GTPBP2: variants seen among roughly 807,000 people sequenced by gnomAD.
The protein encoded by GTPBP2 is GTP-binding protein 2.
A neutral mutation model predicts 63.0 loss-of-function variants in GTPBP2; 32 were observed. The ratio of observed to expected loss-of-function variants is 0.51; its 90% CI spans 0.38 to 0.68. The LOEUF (loss-of-function observed/expected upper bound fraction) is 0.68, where lower values mean the gene tolerates loss of function less well. Ranked by LOEUF, GTPBP2 falls within the 30% of genes least tolerant of loss-of-function variation. The pLI, the probability that GTPBP2 is intolerant of heterozygous loss-of-function variation, is 0.00. For missense variants in GTPBP2, 492 were observed against 796.9 expected (o/e 0.62, Z 4.61); for synonymous variants, 310 against 322.6 (o/e 0.96, Z 0.42).
intron 9 of GTPBP2, chr6:43,623,075 C>T (rs1768928385): frequency 6.6e-6 from 3 of 451,550 alleles, no homozygotes; most frequent in Non-Finnish European, 1.2e-5. Context: ...CAAGTTATCC[C>T]CTTGGGTTTC....
chr6:43,630,054 T>C (rs888941285), upstream of GTPBP2, among the ~76,000 whole-genome samples: 1 of 152,080 alleles, frequency 6.6e-6, no homozygotes, highest in East Asian at 1.9e-4. Flanking sequence ...CTGAGTTTGG[T>C]TTTAAACGGC....
At chr6:43,629,800 G>A (rs1582358782), upstream of GTPBP2, 5 of 1,560,696 alleles carry the variant, frequency 3.2e-6, no homozygotes, top group Non-Finnish European at 4.3e-6. Flanking sequence ...GGGCGGAGGC[G>A]GATGGTGATT....
Position 43,627,528 on chromosome 6 carries a change from A to C in GTPBP2, c.187-580T>G, listed in dbSNP as rs191312713. On this transcript the variant is annotated intron_variant, in intron 1 of 11. Transcript: ENST00000307126. Reference sequence around the variant, plus strand: ...CCAAAGCTGGGGCTGAGAGGAACAGAAAAACTCAGAAAATGTAATGAAGCG... The same window carrying C: ...CCAAAGCTGGGGCTGAGAGGAACAGCAAAACTCAGAAAATGTAATGAAGCG... Among the ~76,000 whole-genome samples, 3 of 152,298 alleles carry C rather than the reference A, an allele frequency of 2.0e-5. No homozygotes were observed. In the East Asian group the frequency reaches 5.8e-4, roughly 29 times the overall value.
chr6:43,622,107 T>C lies in GTPBP2; in HGVS notation c.1528A>G (p.Ile510Val). 6.2e-7 allele frequency: 1 copy of C among 1,614,090 alleles called. No homozygotes were observed. The highest frequency in any genetic ancestry group is 8.5e-7 in the Non-Finnish European group (1 of 1,179,972). ...GTGGTGGCATGGAACAGTAAGACTATCTCTGCCTCAAACACCGAGCAGATG... is the reference window on the plus strand; with the variant it reads ...GTGGTGGCATGGAACAGTAAGACTACCTCTGCCTCAAACACCGAGCAGATG... Reference protein sequence around the residue: ...PTICSVFEAEIVLLFHATTFR... With the variant: ...PTICSVFEAEVVLLFHATTFR... The change falls in exon 11 of 12, where the codon ATA becomes GTA. Residue 510 changes from isoleucine (I) to valine (V), a missense_variant. Ile to Val is a conservative substitution (Grantham distance 29, BLOSUM62 3). This residue lies in a region of GTPBP2 where 400 missense variants were observed against 710.8 expected (regional missense o/e 0.56). Coordinates refer to ENST00000307126, the MANE Select transcript of GTPBP2 (RefSeq NM_019096.5). This position sits in a 1 kb window ranked among gnomAD's most constrained non-coding sequence, Gnocchi z 5.4.
chr6:43,621,997 T>C lies in GTPBP2; in HGVS notation c.1632+6A>G, dbSNP rs753661179. The C allele has an allele frequency of 7.4e-6, 12 of 1,613,858 alleles. No individual in the cohort carries two copies. The highest frequency in any genetic ancestry group is 9.3e-6 in the Non-Finnish European group (11 of 1,179,810). On this transcript the variant is annotated splice_donor_region_variant and intron_variant, in intron 11 of 11. Coordinates refer to ENST00000307126, the MANE Select transcript of GTPBP2 (RefSeq NM_019096.5). ...CTGGAGAAATGGAAGGCCAGGTCCC[T>C]CTCACCTTGGCATGGATCTTTTCCA...
chr6:43,620,553 G>GTA lies in GTPBP2; in HGVS notation c.*1059_*1060dup, dbSNP rs112927783. On this transcript the variant is annotated 3_prime_UTR_variant, in exon 12 of 12. Transcript: ENST00000307126. ...TGTGTATTTAAATATATATACATAT[G>GTA]TATATATATATATATGCACAGAGAA... 5,411 of 156,784 alleles carry GTA rather than the reference G, an allele frequency of 0.035. 312 individuals carry two copies. The highest frequency in any genetic ancestry group is 0.12 in the African/African-American group (4,983 of 40,722). 9.7% of individuals were successfully genotyped at this position (156,784 alleles called of 1,614,324 possible). A position where few individuals can be genotyped will look rare whatever the true frequency, so the allele number is the denominator to read the frequency against.
rs936832324 is a variant in GTPBP2 at position 43,625,563 on chromosome 6, G to A, written c.508-3C>T. 1 of 1,610,724 alleles carries A rather than the reference G, an allele frequency of 6.2e-7. No homozygotes were observed. On this transcript the variant is annotated splice_region_variant and splice_polypyrimidine_tract_variant and intron_variant, in intron 4 of 11. Coordinates refer to ENST00000307126, the MANE Select transcript of GTPBP2 (RefSeq NM_019096.5). The surrounding 1 kb of genome is among the most constrained non-coding windows in gnomAD (Gnocchi z 5.1). Reference sequence around the variant, plus strand: ...ACGGCCACACGGAGGTCTAGGAACTGTGGATGAATTGCCAGAGATAAGAAC... The same window carrying A: ...ACGGCCACACGGAGGTCTAGGAACTATGGATGAATTGCCAGAGATAAGAAC...
At position 43,626,163 on chromosome 6, in the gene GTPBP2, C is replaced by G; in HGVS notation, c.398+63G>C. The G allele has an allele frequency of 6.8e-7, 1 of 1,475,492 alleles. No homozygotes were observed. Among genetic ancestry groups the G allele is most frequent in the Non-Finnish European group, 9.4e-7 (1 of 1,065,564 alleles). 91.4% of individuals were successfully genotyped at this position (1,475,492 alleles called of 1,614,324 possible). Reference sequence around the variant, plus strand: ...CCTTGGCCCCTCAGGCCCTAGGTAACTGGGTATGCATGGGTCCCCCCAAGT... The same window carrying G: ...CCTTGGCCCCTCAGGCCCTAGGTAAGTGGGTATGCATGGGTCCCCCCAAGT... On this transcript the variant is annotated intron_variant, in intron 3 of 11. Transcript: ENST00000307126. The surrounding 1 kb of genome is among the most constrained non-coding windows in gnomAD (Gnocchi z 4.0).
chr6:43,623,004 G>A, intron 9 of GTPBP2, 200 bp from the exon 10 acceptor site: 1 of 567,048 alleles, frequency 1.8e-6, no homozygotes, highest in Non-Finnish European at 3.2e-6. Flanking sequence ...GGCCAGCAGT[G>A]ATGGTGGACA....
chr6:43,627,294 G>A, intron 1 of GTPBP2: 1 of 1,089,868 alleles, frequency 9.2e-7, no homozygotes, highest in Non-Finnish European at 1.1e-6. Flanking sequence ...TTTCCCAGAA[G>A]TCTATGTCTC....
At position 43,622,029 on chromosome 6, in the gene GTPBP2, C is replaced by A. The variant is rs777229588; in HGVS notation, c.1606G>T (p.Ala536Ser). 2.2e-5 allele frequency: 35 copies of A among 1,614,100 alleles called. No individual in the cohort carries two copies. The Admixed American group carries it at 5.5e-4, about 25-fold the overall frequency. ...TVHVGNVRQTAVVEKIHAKDK... is the reference protein window; with the variant it reads ...TVHVGNVRQTSVVEKIHAKDK... The stretch of plus-strand genomic sequence containing the variant: ...TTGGCATGGATCTTTTCCACCACTG[C>A]CGTCTGACGTACGTTGCCCACGTGT... Residue 536 changes from alanine (A) to serine (S), a missense_variant, in exon 11 of 12, where the codon GCA (alanine) becomes TCA (serine). Ala to Ser is a moderately conservative substitution (Grantham distance 99). Around this residue, in one of 2 missense-constraint regions of GTPBP2, gnomAD observed 400 missense variants for 710.8 expected, o/e 0.56. Transcript: ENST00000307126. The surrounding 1 kb of genome is among the most constrained non-coding windows in gnomAD (Gnocchi z 5.4).
rs1408256801 is a variant in GTPBP2 at position 43,626,434 on chromosome 6, A to C, written c.214-24T>G. 6.2e-7 allele frequency: 1 copy of C among 1,603,950 alleles called. No individual in the cohort carries two copies. The highest frequency in any genetic ancestry group is 2.2e-5 in the East Asian group (1 of 44,798). On this transcript the variant is annotated intron_variant, in intron 2 of 11. Transcript: ENST00000307126. The surrounding 1 kb of genome is among the most constrained non-coding windows in gnomAD (Gnocchi z 4.0). ...AACTTAGGGCAAGTGGGGTATCATAAGGTGAAATCAGAGGTGTTCCTCCCA... is the reference window on the plus strand; with the variant it reads ...AACTTAGGGCAAGTGGGGTATCATACGGTGAAATCAGAGGTGTTCCTCCCA...
Position 43,629,155 on chromosome 6 carries a change from G to T in GTPBP2, c.8C>A (p.Ser3Ter). The T allele has an allele frequency of 7.0e-7, 1 of 1,421,370 alleles. No homozygotes were observed. The highest frequency in any genetic ancestry group is 9.1e-7 in the Non-Finnish European group (1 of 1,095,250). 88.0% of individuals were successfully genotyped at this position (1,421,370 alleles called of 1,614,324 possible). ...GCCGCCGAACAGCTCCGATACCCGC[G>T]AGTCCATCCGCCGCTGCCGCCAGCC... The part of the protein sequence containing the change: MD[S>*]RVSELFGGCC... The change falls in exon 1 of 12, where the codon TCG becomes TAG. Residue 3 changes from serine to a stop codon, truncating the protein, a stop_gained. Coordinates refer to ENST00000307126, the MANE Select transcript of GTPBP2 (RefSeq NM_019096.5). LOFTEE classifies it high-confidence loss of function.
At position 43,624,149 on chromosome 6, in the gene GTPBP2, G is replaced by A; in HGVS notation, c.1101-81C>T. On this transcript the variant is annotated intron_variant, in intron 7 of 11. Coordinates refer to ENST00000307126, the MANE Select transcript of GTPBP2 (RefSeq NM_019096.5). The surrounding 1 kb of genome is among the most constrained non-coding windows in gnomAD (Gnocchi z 5.1). ...GCCAGAGCCCCATACATGGAAAGGT[G>A]AGCTTTGTTCTGGCTGGGGGCCCCT... The A allele has an allele frequency of 2.9e-6, 4 of 1,359,308 alleles. No homozygotes were observed. Among genetic ancestry groups the A allele is most frequent in the Non-Finnish European group, 4.0e-6 (4 of 997,262 alleles). 84.2% of individuals were successfully genotyped at this position (1,359,308 alleles called of 1,614,324 possible). A position where few individuals can be genotyped will look rare whatever the true frequency, so the allele number is the denominator to read the frequency against.
intron 9 of GTPBP2, 158 bp downstream of exon 9, chr6:43,623,579 C>T (rs1160044505): frequency 1.9e-5 from 12 of 646,716 alleles, no homozygotes; most frequent in South Asian, 1.1e-4. Context: ...AACAGACTAC[C>T]GTTCTCCAGC....
rs116787841 is a variant in GTPBP2 at position 43,623,404 on chromosome 6, A to G, written c.1295+333T>C. 2.9e-3 allele frequency: 859 copies of G among 291,754 alleles called. 5 individuals carry two copies. Among genetic ancestry groups the G allele is most frequent in the African/African-American group, 0.016 (749 of 45,654 alleles). The allele number at this position is 291,754 out of a possible 1,614,324, so 18.1% of individuals were successfully genotyped here. A position where few individuals can be genotyped will look rare whatever the true frequency, so the allele number is the denominator to read the frequency against. On this transcript the variant is annotated intron_variant, in intron 9 of 11. Transcript: ENST00000307126. ...GACTCTGTCTCAAAAAAAAGAAAGA[A>G]AGAAAGAAAGAAGAGTCTTAAGTGA...
upstream of GTPBP2, chr6:43,629,549 T>C (rs573356000): frequency 1.5e-6 from 1 of 651,078 alleles, no homozygotes; most frequent in East Asian, 2.7e-5. Flanking sequence ...GGGGGGAATT[T>C]AGAGCCTCGA....
chr6:43,625,714 C>T lies in GTPBP2; in HGVS notation c.507+42G>A. 6.6e-7 allele frequency: 1 copy of T among 1,518,752 alleles called. No individual in the cohort carries two copies. Among genetic ancestry groups the T allele is most frequent in the East Asian group, 2.2e-5 (1 of 44,450 alleles). 94.1% of individuals were successfully genotyped at this position (1,518,752 alleles called of 1,614,324 possible). Reference sequence around the variant, plus strand: ...GACAGCCTGCCACCACAGGGCCCTTCCACAGTGTGGACATGAGAGACAGGG... The same window carrying T: ...GACAGCCTGCCACCACAGGGCCCTTTCACAGTGTGGACATGAGAGACAGGG... On this transcript the variant is annotated intron_variant, in intron 4 of 11. Transcript: ENST00000307126. The surrounding 1 kb of genome is among the most constrained non-coding windows in gnomAD (Gnocchi z 5.1).
rs200291392 is a variant in GTPBP2, at chr6:43,623,772, T to C, written c.1260A>G (p.Pro420=). The C allele has an allele frequency of 6.2e-7, 1 of 1,613,534 alleles. No homozygotes were observed. The highest frequency in any genetic ancestry group is 1.3e-5 in the African/African-American group (1 of 75,048). Residue 420 remains proline, a synonymous_variant, in exon 9 of 12, where the codon CCA becomes CCG. Coordinates refer to ENST00000307126, the MANE Select transcript of GTPBP2 (RefSeq NM_019096.5). Reference sequence around the variant, plus strand: ...TTCCTCCAACAACAGTCCCCACCTCTGGTACTGTGTAGATTTCATCCACCT... The same window carrying C: ...TTCCTCCAACAACAGTCCCCACCTCCGGTACTGTGTAGATTTCATCCACCT... ...EFQVDEIYTV[P]EVGTVVGGTL...
Sources: gnomAD v4.1 joint callset for allele counts (sites outside exome capture counted in the v4.1 genomes callset) on GRCh38, gnomAD v4.1.1 for gene constraint, gnomAD v4.1.1 regional missense constraint, Gnocchi (gnomAD v3.1) non-coding constraint, MANE v1.5 for transcripts, NCBI Gene and HGNC (gene_info 2026-07-23, HGNC 2026-07-21) for gene names.